Variants in CPT2 observed in about 807,000 individuals in gnomAD.
The protein encoded by CPT2 is carnitine O-palmitoyltransferase 2, mitochondrial.
Under a neutral mutation model 48.6 loss-of-function variants are expected in CPT2, and 37 were observed. The ratio of observed to expected loss-of-function variants is 0.76; its 90% CI spans 0.59 to 1.00. The LOEUF is 1.00. Among genes scored for constraint, CPT2 ranks in the 50% least tolerant of loss-of-function variants. The pLI, the probability that CPT2 is intolerant of heterozygous loss-of-function variation, is 0.00. For missense variants in CPT2, 772 were observed against 825.6 expected (o/e 0.94, Z 0.80); for synonymous variants, 319 against 326.9 (o/e 0.98, Z 0.26).
In CPT2 at chr1:53,213,255, T is replaced by G. The variant is rs375793186; in HGVS notation, c.1646-9T>G. The stretch of plus-strand genomic sequence containing the variant: ...CTGAGACTCTGGTTTTCCATTTTGT[T>G]TCTCACAGGCCAGGGCTTTGACCGA... On this transcript the variant is annotated splice_polypyrimidine_tract_variant and intron_variant, in intron 4 of 4. Coordinates refer to ENST00000371486, the MANE Select transcript of CPT2 (RefSeq NM_000098.3). 3 of 1,613,910 alleles carry G rather than the reference T, an allele frequency of 1.9e-6. No individual in the cohort carries two copies. Among genetic ancestry groups the G allele is most frequent in the Non-Finnish European group, 2.5e-6 (3 of 1,180,030 alleles).
intron 1 of CPT2, among the ~76,000 whole-genome samples, chr1:53,199,261 A>G (rs1645341383): frequency 6.6e-6 from 1 of 152,128 alleles, no homozygotes; most frequent in African/African-American, 2.4e-5. Flanking sequence ...GAGTTTCACC[A>G]TGTTGGCCAG....
intron 1 of CPT2, 116 bp downstream of exon 1, chr1:53,197,211 A>C: frequency 5.6e-6 from 7 of 1,261,060 alleles, no homozygotes; most frequent in South Asian, 1.3e-5. Flanking sequence ...AGCCCCTACC[A>C]TGGAGGCTGC....
chr1:53,211,552 C>T, intron 4 of CPT2: 1 of 565,020 alleles, frequency 1.8e-6, no homozygotes, highest in Non-Finnish European at 3.1e-6. Flanking sequence ...TGTCTTTGTC[C>T]TCATTTAAGG....
At chr1:53,201,123 A>G (rs1645352644) in intron 2 of CPT2, 4 of 398,716 alleles carry the variant, frequency 1.0e-5, no homozygotes, top group South Asian at 6.5e-5. Flanking sequence ...AGGGAGGTCC[A>G]TTGAGGAGAC....
In CPT2 at chr1:53,210,291, T is replaced by G; in HGVS notation, c.617T>G (p.Leu206Arg). 6.2e-7 allele frequency: 1 copy of G among 1,614,214 alleles called. No individual in the cohort carries two copies. Among genetic ancestry groups the G allele is most frequent in the Non-Finnish European group, 8.5e-7 (1 of 1,180,040 alleles). Residue 206 changes from leucine (L) to arginine (R), a missense_variant, in exon 4 of 5, where the codon CTG becomes CGG. Transcript: ENST00000371486. ...PSSLSWYGAYLVNAYPLDMSQ... is the reference protein window; with the variant it reads ...PSSLSWYGAYRVNAYPLDMSQ... Reference sequence around the variant, plus strand: ...TCTCTGTCCTGGTATGGGGCCTACCTGGTCAATGCGTATCCCCTGGATATG... The same window carrying G: ...TCTCTGTCCTGGTATGGGGCCTACCGGGTCAATGCGTATCCCCTGGATATG...
chr1:53,198,383 C>CA (rs1645336487), intron 1 of CPT2, among the ~76,000 whole-genome samples: 1 of 152,208 alleles, frequency 6.6e-6, no homozygotes, highest in Non-Finnish European at 1.5e-5. Context: ...CTCACCCTCT[C>CA]AGGAGGATCG....
In CPT2 at chr1:53,199,292, C is replaced by T. The variant is rs552062510; in HGVS notation, c.153-1427C>T. ...GCCAGGCTGGTCTCAATCTCCTGACCTCAAGTGATCTGCTCTTGGCCTCCC... is the reference window on the plus strand; with the variant it reads ...GCCAGGCTGGTCTCAATCTCCTGACTTCAAGTGATCTGCTCTTGGCCTCCC... On this transcript the variant is annotated intron_variant, in intron 1 of 4. Transcript: ENST00000371486. 9.5e-4 allele frequency among the ~76,000 whole-genome samples: 145 copies of T among 152,284 alleles called. 1 individual carries two copies. Among genetic ancestry groups the T allele is most frequent in the African/African-American group, 3.3e-3 (139 of 41,556 alleles).
chr1:53,201,351 T>C (rs1418925936), intron 2 of CPT2: 7 of 167,714 alleles, frequency 4.2e-5, no homozygotes, highest in Admixed American at 3.9e-4. Flanking sequence ...GAGACAGCGG[T>C]GTGAGGACAC....
chr1:53,196,842 T>G lies in CPT2; in HGVS notation c.-102T>G. On this transcript the variant is annotated 5_prime_UTR_variant, in exon 1 of 5. Coordinates refer to ENST00000371486, the MANE Select transcript of CPT2 (RefSeq NM_000098.3). ...TGCGGGCGGAGAAGTGCCTCAGGAGTCCTGACGCAGTGTCTTGGGCGCTAA... is the reference window on the plus strand; with the variant it reads ...TGCGGGCGGAGAAGTGCCTCAGGAGGCCTGACGCAGTGTCTTGGGCGCTAA... The G allele has an allele frequency of 7.0e-7, 1 of 1,434,434 alleles. No individual in the cohort carries two copies. 88.9% of individuals were successfully genotyped at this position (1,434,434 alleles called of 1,614,324 possible). A position where few individuals can be genotyped will look rare whatever the true frequency, so the allele number is the denominator to read the frequency against.
chr1:53,203,498 C>CT (rs1645366737), intron 3 of CPT2: 1 of 152,142 alleles, frequency 6.6e-6, no homozygotes, highest in South Asian at 2.1e-4. Flanking sequence ...GTTTAGTTTT[C>CT]TATGTGCTTA....
Position 53,213,493 on chromosome 1 carries a change from C to G in CPT2, c.1875C>G (p.Val625=), listed in dbSNP as rs768288294. The G allele has an allele frequency of 6.2e-7, 1 of 1,614,264 alleles. No homozygotes were observed. Among genetic ancestry groups the G allele is most frequent in the Non-Finnish European group, 8.5e-7 (1 of 1,180,050 alleles). ...ATGACAACTGGATAGGCTGCAATGT[C>G]TCTTCCTACCCAGGCCGCAATGCCC... ...AVHDNWIGCN[V]SSYPGRNARE... The change falls in exon 5 of 5, where the codon GTC becomes GTG. Residue 625 remains valine (V), a synonymous_variant. Coordinates refer to ENST00000371486, the MANE Select transcript of CPT2 (RefSeq NM_000098.3).
chr1:53,203,155 C>T (rs183765590), intron 3 of CPT2: 201 of 152,558 alleles, frequency 1.3e-3, no homozygotes, highest in Non-Finnish European at 2.5e-3. Flanking sequence ...TTGTTATATA[C>T]CCCCGTATCT....
At chr1:53,200,622 G>T in intron 1 of CPT2, 97 bp from the exon 2 acceptor site, 1 of 961,632 alleles carries the variant, frequency 1.0e-6, no homozygotes, top group South Asian at 1.3e-5. Flanking sequence ...TTTTGGGGGA[G>T]GAAATTAATG....
At chr1:53,197,957 G>C (rs1434644633) in intron 1 of CPT2, among the ~76,000 whole-genome samples, 1 of 151,954 alleles carries the variant, frequency 6.6e-6, no homozygotes, top group African/African-American at 2.4e-5. Flanking sequence ...ACTTCACCCA[G>C]AATCGACTTC....
Position 53,211,476 on chromosome 1 carries a change from A to T in CPT2, c.1645+157A>T. The T allele has an allele frequency of 4.3e-6, 3 of 690,034 alleles. No individual in the cohort carries two copies. In the South Asian group the frequency reaches 5.3e-5, roughly 12 times the overall value. The allele number at this position is 690,034 out of a possible 1,614,324, so 42.7% of individuals were successfully genotyped here. ...TTTCTTTTCTACCCTAGCAGTCTGAACAGCCACACTAGCCACTAGGGATCA... is the reference window on the plus strand; with the variant it reads ...TTTCTTTTCTACCCTAGCAGTCTGATCAGCCACACTAGCCACTAGGGATCA... On this transcript the variant is annotated intron_variant, in intron 4 of 4. Coordinates refer to ENST00000371486, the MANE Select transcript of CPT2 (RefSeq NM_000098.3).
At chr1:53,199,925 G>C (rs1242795354) in intron 1 of CPT2, 1 of 152,138 alleles carries the variant, frequency 6.6e-6, no homozygotes, top group Non-Finnish European at 1.5e-5. Context: ...TGTTAATTTT[G>C]AGTTGGTAGA....
Position 53,210,596 on chromosome 1 carries a change from A to C in CPT2, c.922A>C (p.Ser308Arg). ...IWAELRQKLM[S>R]SGNEESLRKV... ...GGCAGAGCTCAGGCAGAAGCTGATG[A>C]GTAGTGGCAATGAGGAGAGCCTGAG... The change falls in exon 4 of 5, where the codon AGT becomes CGT. Residue 308 changes from serine (S) to arginine (R), a missense_variant. By Grantham distance (110) the Ser-to-Arg change is moderately radical. Transcript: ENST00000371486. 1 of 1,613,946 alleles carries C rather than the reference A, an allele frequency of 6.2e-7. No individual in the cohort carries two copies. The highest frequency in any genetic ancestry group is 8.5e-7 in the Non-Finnish European group (1 of 1,179,926).
At chr1:53,212,168 G>A (rs1053958290) in intron 4 of CPT2, among the ~76,000 whole-genome samples, 3 of 151,164 alleles carry the variant, frequency 2.0e-5, no homozygotes, top group Non-Finnish European at 4.4e-5. Context: ...GGGTTCAAGC[G>A]ATTCTCCTGC....
At chr1:53,211,485 C>A in intron 4 of CPT2, 166 bp downstream of exon 4, 1 of 647,158 alleles carries the variant, frequency 1.5e-6, no homozygotes. Flanking sequence ...AACAGCCACA[C>A]TAGCCACTAG....
Sources: allele counts gnomAD v4.1 joint callset (sites outside exome capture counted in the v4.1 genomes callset), GRCh38; gene constraint gnomAD v4.1.1; transcripts MANE v1.5; gene names NCBI Gene and HGNC (gene_info 2026-07-23, HGNC 2026-07-21).